KCNH2: variants seen among roughly 807,000 people sequenced by gnomAD.
KCNH2 encodes the protein potassium voltage-gated channel subfamily H member 2, also known as voltage-gated inwardly rectifying potassium channel KCNH2.
In KCNH2, 35 loss-of-function variants were observed where a neutral mutation model predicts 95.9. The observed-to-expected ratio is 0.37, with a 90% CI of 0.28 to 0.48. The LOEUF (loss-of-function observed/expected upper bound fraction) is 0.48. KCNH2 is among the 20% of genes least tolerant of loss of function. The probability of loss-of-function intolerance (pLI) is 0.99; values close to 1 mark genes in which losing one functional copy is unlikely to be tolerated. For missense variants in KCNH2, 1,274 were observed against 1,702.9 expected, an observed-to-expected ratio of 0.75 and a Z score of 4.43; for synonymous variants, 786 against 754.7, an observed-to-expected ratio of 1.04 and a Z score of -0.68.
chr7:150,951,454 T>C lies in KCNH2; in HGVS notation c.1939A>G (p.Ile647Val). The change falls in exon 7 of 15, where the codon ATT becomes GTT. Residue 647 changes from isoleucine to valine, a missense_variant. By Grantham distance (29) the Ile-to-Val change is conservative. Transcript: ENST00000262186. Reference protein sequence around the residue: ...EKIFSICVMLIGSLMYASIFG... With the variant: ...EKIFSICVMLVGSLMYASIFG... ...CGCCCCTGGGCACACTCACAGCCAA[T>C]GAGCATGACGCAGATGGAGAAGATC... The C allele has an allele frequency of 6.2e-7, 1 of 1,614,028 alleles. No individual in the cohort carries two copies. Among genetic ancestry groups the C allele is most frequent in the East Asian group, 2.2e-5 (1 of 44,864 alleles).
intron 2 of KCNH2, 103 bp downstream of exon 2, chr7:150,974,608 G>GCCC: frequency 1.1e-6 from 1 of 879,982 alleles, no homozygotes; most frequent in Non-Finnish European, 1.7e-6. Context: ...GCGTTCTCCA[G>GCCC]CCGCCCCCAC....
Position 150,977,967 on chromosome 7 carries a change from C to T in KCNH2, c.-54G>A. On this transcript the variant is annotated 5_prime_UTR_variant, in exon 1 of 15. Transcript: ENST00000262186. ...CCCCACCCACCCCGGCCCGGCCCGG[C>T]CCAGCACTAGGCTTCGGGTGGCCCG... The T allele has an allele frequency of 8.5e-7, 1 of 1,179,998 alleles. No individual in the cohort carries two copies. The allele number at this position is 1,179,998 out of a possible 1,614,324, so 73.1% of individuals were successfully genotyped here. A position where few individuals can be genotyped will look rare whatever the true frequency, so the allele number is the denominator to read the frequency against.
rs1254447745 is a variant in KCNH2 at position 150,946,097 on chromosome 7, C to A, written c.3331-583G>T. On this transcript the variant is annotated intron_variant, in intron 14 of 14. Transcript: ENST00000262186. This position sits in a 1 kb window ranked among gnomAD's most constrained non-coding sequence, Gnocchi z 6.5. The stretch of plus-strand genomic sequence containing the variant: ...GGGCCCTCGTGTCTGCAAACAGGAG[C>A]AGGCAGCATATGGGAGGGGGGAGCG... Among the ~76,000 whole-genome samples, 1 of 152,028 alleles carries A rather than the reference C, an allele frequency of 6.6e-6. No individual in the cohort carries two copies. Among genetic ancestry groups the A allele is most frequent in the Admixed American group, 6.5e-5 (1 of 15,282 alleles).
rs544461554 is a variant in KCNH2 at position 150,957,432 on chromosome 7, G to C, written c.987C>G (p.Thr329=). 3.7e-6 allele frequency: 6 copies of C among 1,614,212 alleles called. No homozygotes were observed. The African/African-American group carries it at 8.0e-5, about 21-fold the overall frequency. The part of the protein sequence containing the change: ...TSDSDLVRYR[T]ISKIPQITLN... ...GGGTGATTTGGGGAATCTTGCTAAT[G>C]GTGCGGTAGCGCACGAGGTCGGAGT... The change falls in exon 5 of 15, where the codon ACC becomes ACG. Residue 329 remains threonine, a synonymous_variant. Coordinates refer to ENST00000262186, the MANE Select transcript of KCNH2 (RefSeq NM_000238.4).
chr7:150,951,302 C>G, intron 7 of KCNH2, 146 bp downstream of exon 7: 1 of 1,170,492 alleles, frequency 8.5e-7, no homozygotes, highest in South Asian at 1.3e-5. Context: ...CCTGGTGACC[C>G]AGCCCCCAAA....
chr7:150,967,300 A>G (rs1801731875), intron 2 of KCNH2, among the ~76,000 whole-genome samples: 1 of 152,140 alleles, frequency 6.6e-6, no homozygotes, highest in Admixed American at 6.5e-5. Flanking sequence ...TAATTAATAA[A>G]TAAAGTTTAT....
rs1800937853 is a variant in KCNH2, at chr7:150,947,374, C to T, written c.3106G>A (p.Gly1036Ser). 6.5e-7 allele frequency: 1 copy of T among 1,547,942 alleles called. No homozygotes were observed. The change falls in exon 13 of 15, where the codon GGC becomes AGC. Residue 1036 changes from glycine to serine, a missense_variant. Physicochemically the swap from Gly to Ser is moderately conservative, Grantham distance 56 (BLOSUM62 0). This residue lies in a region of KCNH2 where 457 missense variants were observed against 416.1 expected (regional missense o/e 1.10). Coordinates refer to ENST00000262186, the MANE Select transcript of KCNH2 (RefSeq NM_000238.4). ...GCATCCAGCCTGCTCTCCACGTCGC[C>T]CCGGGGCCGCCGACCCGGGCTGGAG... ...PLSSPGRRPRGDVESRLDALQ... is the reference protein window; with the variant it reads ...PLSSPGRRPRSDVESRLDALQ...
chr7:150,951,237 G>T, intron 7 of KCNH2, 117 bp from the exon 8 acceptor site: 1 of 1,033,172 alleles, frequency 9.7e-7, no homozygotes, highest in Non-Finnish European at 1.4e-6. Context: ...ACATGCCCAC[G>T]AGACGCCCTT....
rs984668926 is a variant in KCNH2 at position 150,946,238 on chromosome 7, C to T, written c.3330+639G>A. 7.2e-5 allele frequency among the ~76,000 whole-genome samples: 11 copies of T among 152,138 alleles called. No individual in the cohort carries two copies. The highest frequency in any genetic ancestry group is 2.7e-4 in the African/African-American group (11 of 41,428). On this transcript the variant is annotated intron_variant, in intron 14 of 14. Transcript: ENST00000262186. The surrounding 1 kb of genome is among the most constrained non-coding windows in gnomAD (Gnocchi z 6.5). ...ACCGCCATCCTGCAGAGGCCAGGAA[C>T]ATGCAGGTCCACCCAGGAGAGGACA...
At chr7:150,957,903 C>T (rs934964389) in intron 4 of KCNH2, among the ~76,000 whole-genome samples, 156 bp downstream of exon 4, 3 of 152,212 alleles carry the variant, frequency 2.0e-5, no homozygotes, top group African/African-American at 7.2e-5. Flanking sequence ...GCGCAACAAG[C>T]CACTTAATGG....
At chr7:150,948,135 G>A (rs920270719) in intron 11 of KCNH2, among the ~76,000 whole-genome samples, 3 of 152,226 alleles carry the variant, frequency 2.0e-5, no homozygotes, top group Admixed American at 6.5e-5. Flanking sequence ...CAGCCCCATC[G>A]TTGGCTCCCT....
rs773660498 is a variant in KCNH2 at position 150,951,879 on chromosome 7, G to GGGCAAGGGA, written c.1558-53_1558-45dup. ...GCACATTCCGTTGATGGGGCAAGGGGGGCAAGGGAGGAGGGGAGGTGCTGC... is the reference window on the plus strand; with the variant it reads ...GCACATTCCGTTGATGGGGCAAGGGGGGCAAGGGAGGCAAGGGAGGAGGGGAGGTGCTGC... On this transcript the variant is annotated intron_variant, in intron 6 of 14. Transcript: ENST00000262186. 7.2e-6 allele frequency: 11 copies of GGGCAAGGGA among 1,521,840 alleles called. No homozygotes were observed. In the South Asian group the frequency reaches 1.4e-4, roughly 19 times the overall value. 94.3% of individuals were successfully genotyped at this position (1,521,840 alleles called of 1,614,324 possible). A position where few individuals can be genotyped will look rare whatever the true frequency, so the allele number is the denominator to read the frequency against.
chr7:150,971,054 C>T (rs1332288047), intron 2 of KCNH2, among the ~76,000 whole-genome samples: 2 of 152,130 alleles, frequency 1.3e-5, no homozygotes, highest in East Asian at 1.9e-4. Context: ...GAAGGTGAGG[C>T]GTGGTGGTGA....
Position 150,958,482 on chromosome 7 carries a change from G to A in KCNH2, c.493C>T (p.Leu165=), listed in dbSNP as rs763058928. The change falls in exon 4 of 15, where the codon CTG becomes TTG. Residue 165 remains leucine (L), a synonymous_variant. Transcript: ENST00000262186. ...AGCGCCAGCAGCGCGGGCAGCTTCAGGCGGAAGGTCTTGGCGCGGCCTGCG... is the reference window on the plus strand; with the variant it reads ...AGCGCCAGCAGCGCGGGCAGCTTCAAGCGGAAGGTCTTGGCGCGGCCTGCG... The part of the protein sequence containing the change: ...LAPGRAKTFR[L]KLPALLALTA... The A allele has an allele frequency of 1.4e-6, 2 of 1,472,810 alleles. No homozygotes were observed. The highest frequency in any genetic ancestry group is 1.3e-5 in the South Asian group (1 of 77,408). The allele number at this position is 1,472,810 out of a possible 1,614,324, so 91.2% of individuals were successfully genotyped here. A position where few individuals can be genotyped will look rare whatever the true frequency, so the allele number is the denominator to read the frequency against.
chr7:150,950,545 A>G, intron 8 of KCNH2, 125 bp from the exon 9 acceptor site: 1 of 1,279,008 alleles, frequency 7.8e-7, no homozygotes, highest in Non-Finnish European at 1.1e-6. Flanking sequence ...AGATCTCGGA[A>G]GCATCAGGGG....
chr7:150,963,162 C>G (rs1190229475), intron 2 of KCNH2, among the ~76,000 whole-genome samples: 1 of 152,198 alleles, frequency 6.6e-6, no homozygotes, highest in African/African-American at 2.4e-5. Flanking sequence ...GTGGCAGGCA[C>G]AGCCCACACT....
chr7:150,967,585 T>C (rs1801738747), intron 2 of KCNH2, among the ~76,000 whole-genome samples: 1 of 152,158 alleles, frequency 6.6e-6, no homozygotes, highest in Non-Finnish European at 1.5e-5. Flanking sequence ...AGTTGGCACA[T>C]TACATGGAAA....
chr7:150,966,381 TC>T (rs1175607435), intron 2 of KCNH2, among the ~76,000 whole-genome samples: 3,602 of 36,960 alleles, frequency 0.097, 86 homozygotes, highest in South Asian at 0.15. Flanking sequence ...ATTTGCCCCC[TC>T]CCCCCCCCCC....
Position 150,945,491 on chromosome 7 carries a change from C to G in KCNH2, c.3354G>C (p.Glu1118Asp). ...LSQVSQFMAC[E>D]ELPPGAPELP... Reference sequence around the variant, plus strand: ...GCTCTGGGGCCCCCGGGGGCAGCTCCTCACACGCCATGAACTGGGAAACCT... The same window carrying G: ...GCTCTGGGGCCCCCGGGGGCAGCTCGTCACACGCCATGAACTGGGAAACCT... The change falls in exon 15 of 15, where the codon GAG becomes GAC. Residue 1118 changes from glutamate to aspartate, a missense_variant. Glu to Asp is a conservative substitution (Grantham distance 45). Around this residue, in one of 7 missense-constraint regions of KCNH2, gnomAD observed 457 missense variants for 416.1 expected, o/e 1.10. Transcript: ENST00000262186. This position sits in a 1 kb window ranked among gnomAD's most constrained non-coding sequence, Gnocchi z 5.6. The G allele has an allele frequency of 6.4e-7, 1 of 1,558,386 alleles. No individual in the cohort carries two copies. The highest frequency in any genetic ancestry group is 8.7e-7 in the Non-Finnish European group (1 of 1,151,482).
Sources: allele counts gnomAD v4.1 joint callset (sites outside exome capture counted in the v4.1 genomes callset), GRCh38; gene constraint gnomAD v4.1.1; regional missense constraint gnomAD v4.1.1; non-coding constraint Gnocchi (gnomAD v3.1); transcripts MANE v1.5; gene names NCBI Gene and HGNC (gene_info 2026-07-23, HGNC 2026-07-21).